DYNC1I1: variants seen among roughly 807,000 people sequenced by gnomAD.
DYNC1I1 encodes the protein dynein cytoplasmic 1 intermediate chain 1.
A neutral mutation model predicts 86.6 loss-of-function variants in DYNC1I1; 43 were observed. The ratio of observed to expected loss-of-function variants is 0.50; its 90% CI spans 0.39 to 0.64. The LOEUF (loss-of-function observed/expected upper bound fraction) is 0.64, where lower values mean the gene tolerates loss of function less well. DYNC1I1 is among the 30% of genes least tolerant of loss of function. DYNC1I1 has a pLI of 0.00. For missense variants in DYNC1I1, 604 were observed against 788.8 expected (o/e 0.77, Z 2.81); for synonymous variants, 262 against 283.7 (o/e 0.92, Z 0.77).
intron 4 of DYNC1I1, among the ~76,000 whole-genome samples, chr7:95,822,305 T>C (rs1269463501): frequency 2.6e-5 from 4 of 152,198 alleles, no homozygotes; most frequent in Non-Finnish European, 5.9e-5. Flanking sequence ...GAAATTCTGC[T>C]TGTCTCTTAG....
At chr7:95,982,343 T>C (rs1793478257) in intron 7 of DYNC1I1, among the ~76,000 whole-genome samples, 1 of 152,178 alleles carries the variant, frequency 6.6e-6, no homozygotes, top group African/African-American at 2.4e-5. Flanking sequence ...AAGCCAAATA[T>C]TGTATTGTCA....
At position 95,808,331 on chromosome 7, in the gene DYNC1I1, G is replaced by T. The variant is rs536818678; in HGVS notation, c.109-2061G>T. 8.2e-4 allele frequency among the ~76,000 whole-genome samples: 125 copies of T among 151,894 alleles called. 2 individuals are homozygous for T. Among genetic ancestry groups the T allele is most frequent in the African/African-American group, 2.9e-3 (122 of 41,478 alleles). On this transcript the variant is annotated intron_variant, in intron 2 of 16. Transcript: ENST00000447467. ...AAACTAAGTGCCCTTTTTTTGCCAT[G>T]AATATAAAAACTAGTGTGAATTAGG...
At chr7:95,892,189 T>G (rs922340978) in intron 6 of DYNC1I1, among the ~76,000 whole-genome samples, 1 of 151,438 alleles carries the variant, frequency 6.6e-6, no homozygotes, top group African/African-American at 2.4e-5. Context: ...CAGGCTGGAG[T>G]GCAGTGGCAT....
At chr7:96,025,132 A>G (rs1794646127) in intron 10 of DYNC1I1, among the ~76,000 whole-genome samples, 1 of 152,178 alleles carries the variant, frequency 6.6e-6, no homozygotes, top group African/African-American at 2.4e-5. Context: ...CCACCATTAC[A>G]TCAAACATCA....
In DYNC1I1 at chr7:96,024,322, C is replaced by T. The variant is rs1451851745; in HGVS notation, c.970-3853C>T. 7.0e-4 allele frequency among the ~76,000 whole-genome samples: 106 copies of T among 152,170 alleles called. 1 individual carries two copies. The highest frequency in any genetic ancestry group is 4.4e-5 in the Non-Finnish European group (3 of 68,026). ...ATGTTGCTCATGCTAGTCTCGAACT[C>T]CTAGGCTCAACCAATCCTCCCACCT... On this transcript the variant is annotated intron_variant, in intron 10 of 16. Coordinates refer to ENST00000447467, the MANE Select transcript of DYNC1I1 (RefSeq NM_001135556.2).
At chr7:96,076,489 A>G (rs938519929) in intron 15 of DYNC1I1, among the ~76,000 whole-genome samples, 1 of 152,220 alleles carries the variant, frequency 6.6e-6, no homozygotes, top group South Asian at 2.1e-4. Flanking sequence ...GGGACAGGAC[A>G]CACAGGCATT....
intron 9 of DYNC1I1, among the ~76,000 whole-genome samples, chr7:95,988,035 C>T (rs1205722934): frequency 6.6e-6 from 1 of 152,148 alleles, no homozygotes; most frequent in Non-Finnish European, 1.5e-5. Context: ...TGTCCACATA[C>T]AGTTTTCCCC....
intron 6 of DYNC1I1, among the ~76,000 whole-genome samples, chr7:95,920,782 A>G (rs1404224045): frequency 6.6e-6 from 1 of 152,206 alleles, no homozygotes; most frequent in Non-Finnish European, 1.5e-5. Flanking sequence ...ATACACATTT[A>G]TTATTGTCAT....
intron 6 of DYNC1I1, among the ~76,000 whole-genome samples, chr7:95,897,737 A>ATTTTT (rs10657325): frequency 6.7e-5 from 10 of 148,520 alleles, no homozygotes; most frequent in African/African-American, 2.0e-4. Context: ...AGTTGAGTTG[A>ATTTTT]TTTTTTTTTT....
At position 95,986,998 on chromosome 7, in the gene DYNC1I1, A is replaced by G. The variant is rs1392759738; in HGVS notation, c.744-58A>G. 5.4e-6 allele frequency: 8 copies of G among 1,490,390 alleles called. No homozygotes were observed. In the East Asian group the frequency reaches 9.0e-5, roughly 17 times the overall value. The allele number at this position is 1,490,390 out of a possible 1,614,324, so 92.3% of individuals were successfully genotyped here. ...AGGCTTTTGCCATATCAGTGCTTCT[A>G]TATGAGCAGCATAGAGAAAGAGCTC... is the stretch of plus-strand genomic sequence containing the variant. On this transcript the variant is annotated intron_variant, in intron 8 of 16. Coordinates refer to ENST00000447467, the MANE Select transcript of DYNC1I1 (RefSeq NM_001135556.2).
intron 10 of DYNC1I1, among the ~76,000 whole-genome samples, chr7:96,009,119 A>G (rs1464685153): frequency 1.3e-5 from 2 of 152,224 alleles, no homozygotes; most frequent in African/African-American, 2.4e-5. Flanking sequence ...AAATGAAGTC[A>G]TATTAACAGA....
Position 96,098,064 on chromosome 7 carries a change from G to A in DYNC1I1, c.*471G>A, listed in dbSNP as rs879498264. 8.1e-6 allele frequency: 8 copies of A among 989,016 alleles called. No individual in the cohort carries two copies. The highest frequency in any genetic ancestry group is 9.6e-6 in the Non-Finnish European group (8 of 831,778). 61.3% of individuals were successfully genotyped at this position (989,016 alleles called of 1,614,324 possible). On this transcript the variant is annotated 3_prime_UTR_variant, in exon 17 of 17. Transcript: ENST00000447467. The stretch of plus-strand genomic sequence containing the variant: ...CACATTATGAATGGATTTACTAGAA[G>A]AACATTGCTGCTCCTTATTTATTGT...
intron 4 of DYNC1I1, among the ~76,000 whole-genome samples, chr7:95,820,799 A>G (rs1051067242): frequency 2.6e-5 from 4 of 152,232 alleles, no homozygotes; most frequent in African/African-American, 9.6e-5. Context: ...GCTGGTCTTG[A>G]ACTCCTGGTC....
In DYNC1I1 at chr7:95,977,565, C is replaced by A. The variant is rs35314029; in HGVS notation, c.544C>A (p.Leu182Met). ...ATCTAAAGTTGGCCAGGACTCAGAA[C>A]TGGAAAATCAGGACAAAAAACAGGA... ...VESKVGQDSELENQDKKQEVK... is the reference protein window; with the variant it reads ...VESKVGQDSEMENQDKKQEVK... Residue 182 changes from leucine to methionine, a missense_variant, in exon 7 of 17, where the codon CTG becomes ATG. Physicochemically the swap from Leu to Met is conservative, Grantham distance 15. Coordinates refer to ENST00000447467, the MANE Select transcript of DYNC1I1 (RefSeq NM_001135556.2). The A allele has an allele frequency of 1.6e-3, 2,607 of 1,612,876 alleles. 34 individuals are homozygous for A. In the African/African-American group the frequency reaches 0.027, roughly 17 times the overall value.
chr7:95,964,282 T>C (rs942944393), intron 6 of DYNC1I1, among the ~76,000 whole-genome samples: 3 of 152,156 alleles, frequency 2.0e-5, no homozygotes, highest in Admixed American at 1.3e-4. Flanking sequence ...AGAACAAGAA[T>C]TCTAAAGAGA....
intron 5 of DYNC1I1, among the ~76,000 whole-genome samples, chr7:95,867,056 T>C (rs951506512): frequency 6.6e-6 from 1 of 152,106 alleles, no homozygotes; most frequent in African/African-American, 2.4e-5. Context: ...GGAAAAGAAG[T>C]TAAGGAAAAG....
chr7:95,902,160 A>G (rs1408216968), intron 6 of DYNC1I1, among the ~76,000 whole-genome samples: 1 of 152,190 alleles, frequency 6.6e-6, no homozygotes, highest in Non-Finnish European at 1.5e-5. Context: ...TTCCTTTCCC[A>G]AAAAATAATT....
intron 6 of DYNC1I1, among the ~76,000 whole-genome samples, chr7:95,975,128 A>G (rs1186884247): frequency 2.6e-5 from 4 of 152,198 alleles, no homozygotes; most frequent in Non-Finnish European, 5.9e-5. Context: ...AATAAATTAG[A>G]TTATACAAGT....
intron 15 of DYNC1I1, among the ~76,000 whole-genome samples, chr7:96,076,562 G>C (rs145393467): frequency 1.2e-4 from 19 of 152,252 alleles, no homozygotes; most frequent in African/African-American, 4.6e-4. Context: ...TTTTGTGGAC[G>C]TCGATTTTTA....
Sources: gnomAD v4.1 joint callset for allele counts (sites outside exome capture counted in the v4.1 genomes callset) on GRCh38, gnomAD v4.1.1 for gene constraint, MANE v1.5 for transcripts, NCBI Gene and HGNC (gene_info 2026-07-23, HGNC 2026-07-21) for gene names.